Variants in HDAC7 observed in about 807,000 individuals in gnomAD.
The protein encoded by HDAC7 is histone deacetylase 7.
HDAC7 carries 26 observed loss-of-function variants against 115.5 expected under a neutral mutation model. The ratio of observed to expected loss-of-function variants is 0.23; its 90% CI spans 0.16 to 0.31. HDAC7 has a LOEUF of 0.31. Ranked by LOEUF, HDAC7 falls within the 10% of genes least tolerant of loss-of-function variation. The pLI is 1.00. For missense variants in HDAC7, 1,068 were observed against 1,329.0 expected, an observed-to-expected ratio of 0.80 and a Z score of 3.05; for synonymous variants, 564 against 550.9, an observed-to-expected ratio of 1.02 and a Z score of -0.33.
rs1228241867 is a variant in HDAC7, at chr12:47,803,231, G to A, written c.20-957C>T. On this transcript the variant is annotated intron_variant, in intron 1 of 25. Coordinates refer to ENST00000080059, the MANE Select transcript of HDAC7 (RefSeq NM_015401.5). The surrounding 1 kb of genome is among the most constrained non-coding windows in gnomAD (Gnocchi z 4.0). ...TCAGGGTCAAGGGGACAGGAGGCCA[G>A]GAGACCCAGAGGCTGCCTGGACGGG... is the stretch of plus-strand genomic sequence containing the variant. 3.3e-5 allele frequency among the ~76,000 whole-genome samples: 5 copies of A among 152,228 alleles called. No homozygotes were observed. Among genetic ancestry groups the A allele is most frequent in the Non-Finnish European group, 7.3e-5 (5 of 68,036 alleles).
chr12:47,798,353 G>T lies in HDAC7; in HGVS notation c.350-134C>A, dbSNP rs1048095861. ...TCCCTAGGCAAGAGCCAAGCCCGAG[G>T]CCCTACCCCTCCCTAGAGCCTCCAG... On this transcript the variant is annotated intron_variant, in intron 4 of 25. Coordinates refer to ENST00000080059, the MANE Select transcript of HDAC7 (RefSeq NM_015401.5). This position sits in a 1 kb window ranked among gnomAD's most constrained non-coding sequence, Gnocchi z 4.3. The T allele has an allele frequency of 2.4e-6, 2 of 821,626 alleles. No homozygotes were observed. The highest frequency in any genetic ancestry group is 2.0e-5 in the Admixed American group (1 of 49,642). The allele number at this position is 821,626 out of a possible 1,614,324, so 50.9% of individuals were successfully genotyped here.
chr12:47,795,003 G>T lies in HDAC7; in HGVS notation c.1285-70C>A. On this transcript the variant is annotated intron_variant, in intron 11 of 25. Coordinates refer to ENST00000080059, the MANE Select transcript of HDAC7 (RefSeq NM_015401.5). This position sits in a 1 kb window ranked among gnomAD's most constrained non-coding sequence, Gnocchi z 4.3. The stretch of plus-strand genomic sequence containing the variant: ...GGCATGGGGTGGGAGGTGGTGGGCT[G>T]GGCCAGGCAGCCAGTCATCTTGCTA... 1 of 1,483,334 alleles carries T rather than the reference G, an allele frequency of 6.7e-7. No individual in the cohort carries two copies. The highest frequency in any genetic ancestry group is 9.2e-7 in the Non-Finnish European group (1 of 1,090,698). The allele number at this position is 1,483,334 out of a possible 1,614,324, so 91.9% of individuals were successfully genotyped here. A position where few individuals can be genotyped will look rare whatever the true frequency, so the allele number is the denominator to read the frequency against.
chr12:47,808,692 G>C lies in HDAC7; in HGVS notation c.20-6418C>G, dbSNP rs943044715. Among the ~76,000 whole-genome samples, 29 of 152,208 alleles carry C rather than the reference G, an allele frequency of 1.9e-4. 1 individual carries two copies. Among genetic ancestry groups the C allele is most frequent in the Non-Finnish European group, 1.0e-4 (7 of 68,032 alleles). On this transcript the variant is annotated intron_variant, in intron 1 of 25. Transcript: ENST00000080059. ...AGTCCATTGTGAAGGGGAGGGCATA[G>C]CTACTTCCTGCGGTGGCAGGCCTGG...
chr12:47,785,054 G>A (rs532018604), intron 24 of HDAC7: 53 of 560,716 alleles, frequency 9.5e-5, no homozygotes, highest in African/African-American at 8.9e-4. Context: ...ACTGAGGGGA[G>A]GGATGGGAAC....
At position 47,795,211 on chromosome 12, in the gene HDAC7, C is replaced by T. The variant is rs1448491502; in HGVS notation, c.1257G>A (p.Gln419=). 6.2e-7 allele frequency: 1 copy of T among 1,612,790 alleles called. No individual in the cohort carries two copies. The highest frequency in any genetic ancestry group is 1.1e-5 in the South Asian group (1 of 90,938). ...PPGPMQPRLE[Q]LKTHVQVIKR... is the part of the protein sequence containing the mutation. ...TGATCACCTGGACGTGAGTTTTGAG[C>T]TGCTCCAGGCGGGGCTGCATGGGGC... The change falls in exon 11 of 26, where the codon CAG becomes CAA. Residue 419 remains glutamine, a synonymous_variant. Coordinates refer to ENST00000080059, the MANE Select transcript of HDAC7 (RefSeq NM_015401.5). This position sits in a 1 kb window ranked among gnomAD's most constrained non-coding sequence, Gnocchi z 4.3.
Position 47,802,177 on chromosome 12 carries a change from C to G in HDAC7, c.70+47G>C, listed in dbSNP as rs768832198. On this transcript the variant is annotated intron_variant, in intron 2 of 25. Coordinates refer to ENST00000080059, the MANE Select transcript of HDAC7 (RefSeq NM_015401.5). ...TCGCGTTCTTACAGCCTTTCCACCC[C>G]TCATCTTCCACTCCCTACCATGGAC... 17 of 1,583,562 alleles carry G rather than the reference C, an allele frequency of 1.1e-5. No individual in the cohort carries two copies. In the Admixed American group the frequency reaches 2.6e-4, roughly 24 times the overall value.
Position 47,785,773 on chromosome 12 carries a change from C to T in HDAC7, c.2685G>A (p.Val895=). The stretch of plus-strand genomic sequence containing the variant: ...TCACCCTGTTACCCAGAAGAGCAGC[C>T]ACACAGGCCTCAGAGGCGTCACAGA... The part of the protein sequence containing the change: ...TAICDASEAC[V]AALLGNRVDP... Residue 895 remains valine, a synonymous_variant, in exon 23 of 26, where the codon GTG becomes GTA. Coordinates refer to ENST00000080059, the MANE Select transcript of HDAC7 (RefSeq NM_015401.5). 6.2e-7 allele frequency: 1 copy of T among 1,608,404 alleles called. No individual in the cohort carries two copies. Among genetic ancestry groups the T allele is most frequent in the Non-Finnish European group, 8.5e-7 (1 of 1,177,614 alleles).
chr12:47,797,960 G>A lies in HDAC7; in HGVS notation c.461+148C>T, dbSNP rs1183599990. The A allele has an allele frequency of 1.4e-5, 10 of 699,410 alleles. No homozygotes were observed. Among genetic ancestry groups the A allele is most frequent in the Non-Finnish European group, 2.4e-5 (9 of 382,800 alleles). 43.3% of individuals were successfully genotyped at this position (699,410 alleles called of 1,614,324 possible). The stretch of plus-strand genomic sequence containing the variant: ...GAGGGCAGGTATCAGTTGAGAGAGG[G>A]GCTCGGGGGCATTATGTTTAGAGGA... On this transcript the variant is annotated intron_variant, in intron 5 of 25. Transcript: ENST00000080059. The surrounding 1 kb of genome is among the most constrained non-coding windows in gnomAD (Gnocchi z 5.5).
In HDAC7 at chr12:47,798,918, A is replaced by T; in HGVS notation, c.125T>A (p.Leu42Gln). ...CACTGGGGGCCGCTGGCCCACCCGC[A>T]GGTCCATGGGCTGCGGCTGAGGGCC... Reference protein sequence around the residue: ...TPGPQPQPMDLRVGQRPPVEP... With the variant: ...TPGPQPQPMDQRVGQRPPVEP... The change falls in exon 3 of 26, where the codon CTG (leucine) becomes CAG (glutamine). Residue 42 changes from leucine to glutamine, a missense_variant. This residue lies in a region of HDAC7 where 161 missense variants were observed against 158.5 expected (regional missense o/e 1.02). Coordinates refer to ENST00000080059, the MANE Select transcript of HDAC7 (RefSeq NM_015401.5). The surrounding 1 kb of genome is among the most constrained non-coding windows in gnomAD (Gnocchi z 4.3). 6.5e-7 allele frequency: 1 copy of T among 1,533,054 alleles called. No individual in the cohort carries two copies. The highest frequency in any genetic ancestry group is 1.2e-5 in the South Asian group (1 of 80,310). 95.0% of individuals were successfully genotyped at this position (1,533,054 alleles called of 1,614,324 possible).
rs750846014 is a variant in HDAC7 at position 47,792,011 on chromosome 12, G to A, written c.1679-7C>T. 5 of 1,601,504 alleles carry A rather than the reference G, an allele frequency of 3.1e-6. No individual in the cohort carries two copies. In the Admixed American group the frequency reaches 5.0e-5, roughly 16 times the overall value. On this transcript the variant is annotated splice_polypyrimidine_tract_variant and splice_region_variant and intron_variant, in intron 13 of 25. Coordinates refer to ENST00000080059, the MANE Select transcript of HDAC7 (RefSeq NM_015401.5). Reference sequence around the variant, plus strand: ...ACCGAGTCATAGATCAGCCCTGCAGGAGCAAGGGTCAGAGCGGGGACCCAG... The same window carrying A: ...ACCGAGTCATAGATCAGCCCTGCAGAAGCAAGGGTCAGAGCGGGGACCCAG...
intron 19 of HDAC7, 122 bp downstream of exon 19, chr12:47,789,139 G>C: frequency 2.5e-6 from 2 of 786,544 alleles, no homozygotes; most frequent in Non-Finnish European, 4.3e-6. Context: ...TTTACACAAG[G>C]GGAAACTGAG....
intron 1 of HDAC7, among the ~76,000 whole-genome samples, chr12:47,811,117 A>T (rs1330107013): frequency 6.6e-6 from 1 of 152,180 alleles, no homozygotes; most frequent in African/African-American, 2.4e-5. Flanking sequence ...TGACACTCAC[A>T]GGGATGCCAC....
intron 19 of HDAC7, 98 bp from the exon 20 acceptor site, chr12:47,788,262 AC>A: frequency 4.5e-5 from 64 of 1,429,728 alleles, no homozygotes; most frequent in Non-Finnish European, 6.0e-5. Flanking sequence ...TGAGGTCAGG[AC>A]CCTAGACTGG....
Position 47,795,880 on chromosome 12 carries a change from T to TG in HDAC7, c.906+25dup. 1 of 1,011,464 alleles carries TG rather than the reference T, an allele frequency of 9.9e-7. No individual in the cohort carries two copies. Among genetic ancestry groups the TG allele is most frequent in the South Asian group, 1.4e-5 (1 of 70,648 alleles). The allele number at this position is 1,011,464 out of a possible 1,614,324, so 62.7% of individuals were successfully genotyped here. On this transcript the variant is annotated intron_variant, in intron 9 of 25. Coordinates refer to ENST00000080059, the MANE Select transcript of HDAC7 (RefSeq NM_015401.5). This position sits in a 1 kb window ranked among gnomAD's most constrained non-coding sequence, Gnocchi z 4.3. ...TGAAAGAAGCTGGGGGGGCTTGGAGTGGGGGTGGGCACCCCAGCCACTCAC... is the reference window on the plus strand; with the variant it reads ...TGAAAGAAGCTGGGGGGGCTTGGAGTGGGGGGTGGGCACCCCAGCCACTCAC...
Position 47,795,190 on chromosome 12 carries a change from C to A in HDAC7, c.1278G>T (p.Val426=). The part of the protein sequence containing the change: ...RLEQLKTHVQ[V]IKRSAKPSEK... ...ACTGCCCAATTCCTCTCACCTTGAT[C>A]ACCTGGACGTGAGTTTTGAGCTGCT... is the stretch of plus-strand genomic sequence containing the variant. Residue 426 remains valine, a synonymous_variant, in exon 11 of 26, where the codon GTG becomes GTT. Transcript: ENST00000080059. The surrounding 1 kb of genome is among the most constrained non-coding windows in gnomAD (Gnocchi z 4.3). 6.2e-7 allele frequency: 1 copy of A among 1,612,086 alleles called. No individual in the cohort carries two copies. Among genetic ancestry groups the A allele is most frequent in the Non-Finnish European group, 8.5e-7 (1 of 1,178,844 alleles).
rs1173277434 is a variant in HDAC7 at position 47,789,587 on chromosome 12, A to G, written c.2092-9T>C. 1.2e-6 allele frequency: 2 copies of G among 1,613,954 alleles called. No homozygotes were observed. Among genetic ancestry groups the G allele is most frequent in the South Asian group, 1.1e-5 (1 of 91,088 alleles). On this transcript the variant is annotated splice_polypyrimidine_tract_variant and intron_variant, in intron 17 of 25. Transcript: ENST00000080059. Reference sequence around the variant, plus strand: ...ACCACAGCGAAACCATTCTGGAAAAAGAAAGAATGCTTGTCAATCAACAGA... The same window carrying G: ...ACCACAGCGAAACCATTCTGGAAAAGGAAAGAATGCTTGTCAATCAACAGA...
Position 47,791,951 on chromosome 12 carries a change from T to G in HDAC7, c.1732A>C (p.Ser578Arg). The change falls in exon 14 of 26, where the codon AGC becomes CGC. Residue 578 changes from serine to arginine, a missense_variant. Coordinates refer to ENST00000080059, the MANE Select transcript of HDAC7 (RefSeq NM_015401.5). ...LKHQCSCGDN[S>R]RHPEHAGRIQ... ...CGGCCGGCGTGCTCCGGGTGCCTGC[T>G]GTTGTCACCGCAGGAGCACTGGTGC... is the stretch of plus-strand genomic sequence containing the variant. 6.2e-7 allele frequency: 1 copy of G among 1,611,628 alleles called. No homozygotes were observed. The highest frequency in any genetic ancestry group is 8.5e-7 in the Non-Finnish European group (1 of 1,179,482).
intron 1 of HDAC7, 137 bp from the exon 2 acceptor site, chr12:47,802,411 G>T (rs986787048): frequency 5.2e-6 from 8 of 1,539,802 alleles, no homozygotes; most frequent in Non-Finnish European, 7.0e-6. Flanking sequence ...TCCACCAGAA[G>T]CTAATCAAAA....
intron 17 of HDAC7, 66 bp from the exon 18 acceptor site, chr12:47,789,644 C>T: frequency 6.4e-7 from 1 of 1,551,254 alleles, no homozygotes. Flanking sequence ...TGAACGTACC[C>T]CAAGAGTTCC....
Sources: allele counts gnomAD v4.1 joint callset (sites outside exome capture counted in the v4.1 genomes callset), GRCh38; gene constraint gnomAD v4.1.1; regional missense constraint gnomAD v4.1.1; non-coding constraint Gnocchi (gnomAD v3.1); transcripts MANE v1.5; gene names NCBI Gene and HGNC (gene_info 2026-07-23, HGNC 2026-07-21).